The following ASPRV1 variants were observed in gnomAD, a reference collection of about 807,000 sequenced individuals.
ASPRV1 encodes the protein retroviral-like aspartic protease 1.
A neutral mutation model predicts 11.0 loss-of-function variants in ASPRV1; 7 were observed. The ratio of observed to expected loss-of-function variants is 0.64; its 90% CI spans 0.36 to 1.20. The LOEUF is 1.20. ASPRV1 is among the 50% of genes most tolerant of loss of function. The pLI, the probability that ASPRV1 is intolerant of heterozygous loss-of-function variation, is 0.02. For missense variants in ASPRV1, 299 were observed against 320.0 expected, an observed-to-expected ratio of 0.93 and a Z score of 0.50; for synonymous variants, 136 against 138.4, an observed-to-expected ratio of 0.98 and a Z score of 0.12.
chr2:69,983,996 C>T, the ASPRV1 span, among the ~76,000 whole-genome samples: 4 of 152,152 alleles, frequency 2.6e-5, no homozygotes, highest in Non-Finnish European at 5.9e-5. Context: ...TTCCTGAGGT[C>T]TTGGGATTCA....
the ASPRV1 span, among the ~76,000 whole-genome samples, chr2:70,047,698 T>C: frequency 6.6e-6 from 1 of 152,120 alleles, no homozygotes; most frequent in African/African-American, 2.4e-5. Context: ...GAAGAGGGAT[T>C]GGAGAAGAGA....
At chr2:70,061,253 G>A in the ASPRV1 span, among the ~76,000 whole-genome samples, 1 of 152,042 alleles carries the variant, frequency 6.6e-6, no homozygotes, top group Non-Finnish European at 1.5e-5. Context: ...AAATTAGCCG[G>A]GCATGGTGGC....
downstream of ASPRV1, among the ~76,000 whole-genome samples, chr2:69,956,719 G>A (rs946654677): frequency 6.6e-6 from 1 of 152,022 alleles, no homozygotes; most frequent in African/African-American, 2.4e-5. Context: ...TCATGACGGG[G>A]GTAAAATAGT....
the ASPRV1 span, among the ~76,000 whole-genome samples, chr2:69,951,631 C>T: frequency 6.6e-6 from 1 of 150,666 alleles, no homozygotes; most frequent in Admixed American, 6.6e-5. Context: ...GACTGACCAA[C>T]GTTTCTGCTT....
chr2:69,948,131 C>T, the ASPRV1 span, among the ~76,000 whole-genome samples: 4 of 151,806 alleles, frequency 2.6e-5, no homozygotes, highest in Non-Finnish European at 5.9e-5. Context: ...CCTGTGGTCC[C>T]AGCTACCTGG....
At chr2:70,006,095 GTGCACA>G in the ASPRV1 span, among the ~76,000 whole-genome samples, 3 of 152,212 alleles carry the variant, frequency 2.0e-5, no homozygotes, top group African/African-American at 7.2e-5. Flanking sequence ...AGTAGAATAT[GTGCACA>G]TGCACATGCC....
the ASPRV1 span, chr2:70,053,993 C>G: frequency 6.6e-6 from 1 of 152,202 alleles, no homozygotes; most frequent in South Asian, 2.1e-4. Flanking sequence ...CAAAAATTTA[C>G]CCTAATAGGG....
the ASPRV1 span, among the ~76,000 whole-genome samples, chr2:70,052,913 G>A: frequency 2.0e-5 from 3 of 152,122 alleles, no homozygotes; most frequent in Admixed American, 6.5e-5. Flanking sequence ...TCATATGGAG[G>A]TGAAAGGCCA....
downstream of ASPRV1, among the ~76,000 whole-genome samples, chr2:69,959,065 C>T (rs560147227): frequency 1.1e-4 from 17 of 152,230 alleles, no homozygotes; most frequent in South Asian, 2.9e-3. Flanking sequence ...GAAGAAGGGG[C>T]CAGGGACGGG....
chr2:70,082,357 T>C, the ASPRV1 span, among the ~76,000 whole-genome samples: 1 of 151,730 alleles, frequency 6.6e-6, no homozygotes, highest in Non-Finnish European at 1.5e-5. Context: ...TCACTTGAGC[T>C]CAGGAATTCA....
the ASPRV1 span, among the ~76,000 whole-genome samples, chr2:69,984,858 C>CT: frequency 0.039 from 4,712 of 120,792 alleles, 270 homozygotes; most frequent in African/African-American, 0.12. Flanking sequence ...TCAGGGCCAG[C>CT]TTTTTTTTTT....
chr2:70,072,449 G>C, the ASPRV1 span, among the ~76,000 whole-genome samples: 22 of 151,138 alleles, frequency 1.5e-4, no homozygotes, highest in Non-Finnish European at 1.0e-4. Flanking sequence ...GTGGCTGGGC[G>C]CAGTGGCTCA....
the ASPRV1 span, among the ~76,000 whole-genome samples, chr2:70,010,157 C>T: frequency 6.6e-6 from 1 of 152,120 alleles, no homozygotes; most frequent in Admixed American, 6.5e-5. Context: ...GCCCAAAATG[C>T]TCATGGGATG....
upstream of ASPRV1, among the ~76,000 whole-genome samples, chr2:69,965,203 C>G (rs140711626): frequency 0.023 from 3,506 of 152,252 alleles, 117 homozygotes; most frequent in African/African-American, 0.079. Flanking sequence ...CCACACCTGG[C>G]TAATTTTTCA....
chr2:69,935,225 G>C, the ASPRV1 span: 10 of 673,878 alleles, frequency 1.5e-5, no homozygotes, highest in South Asian at 1.7e-4. Flanking sequence ...TTCAGCAAAA[G>C]GTCATTGGTA....
the ASPRV1 span, among the ~76,000 whole-genome samples, chr2:69,973,675 T>C: frequency 5.3e-5 from 8 of 152,250 alleles, no homozygotes; most frequent in Non-Finnish European, 8.8e-5. Flanking sequence ...TCAATGGTGT[T>C]AGCAATTTCT....
chr2:69,961,422 T>C lies in ASPRV1; in HGVS notation c.15A>G (p.Gly5=). 1 of 1,614,044 alleles carries C rather than the reference T, an allele frequency of 6.2e-7. No individual in the cohort carries two copies. Among genetic ancestry groups the C allele is most frequent in the African/African-American group, 1.3e-5 (1 of 75,050 alleles). Residue 5 remains glycine, a synonymous_variant, in exon 1 of 1, where the codon GGA becomes GGG. Coordinates refer to ENST00000320256, the MANE Select transcript of ASPRV1 (RefSeq NM_152792.4). The part of the protein sequence containing the change: MAGS[G]ARSEEGRRQH... ...GCCGGCGGCCTTCCTCACTCCTGGC[T>C]CCGCTCCCGGCCATCCTGCTGCTCT... is the stretch of plus-strand genomic sequence containing the variant.
At chr2:69,970,053 A>G in the ASPRV1 span, among the ~76,000 whole-genome samples, 2 of 152,004 alleles carry the variant, frequency 1.3e-5, no homozygotes, top group Non-Finnish European at 2.9e-5. Flanking sequence ...TTATCTGGCA[A>G]TGGCACTACT....
chr2:70,020,526 C>G, the ASPRV1 span, among the ~76,000 whole-genome samples: 2 of 152,032 alleles, frequency 1.3e-5, no homozygotes, highest in African/African-American at 4.8e-5. Context: ...GCAGATCATC[C>G]GAGGTCAGGA....
Sources: allele counts gnomAD v4.1 joint callset (sites outside exome capture counted in the v4.1 genomes callset), GRCh38; gene constraint gnomAD v4.1.1; transcripts MANE v1.5; gene names NCBI Gene and HGNC (gene_info 2026-07-23, HGNC 2026-07-21).